Variants in KMT2C observed in about 807,000 individuals in gnomAD.
KMT2C encodes lysine methyltransferase 2C.
A neutral mutation model predicts 507.9 loss-of-function variants in KMT2C; 88 were observed. The observed-to-expected ratio is 0.17, with a 90% confidence interval of 0.15 to 0.21. The LOEUF is 0.21. Ranked by LOEUF, KMT2C falls within the 10% of genes least tolerant of loss-of-function variation. The pLI is 1.00. For missense variants in KMT2C, 4,954 were observed against 5,957.8 expected (o/e 0.83, Z 5.55); for synonymous variants, 2,049 against 2,080.8 (o/e 0.98, Z 0.42).
chr7:152,212,604 A>C (rs2094479346), intron 23 of KMT2C, among the ~76,000 whole-genome samples: 2 of 152,256 alleles, frequency 1.3e-5, no homozygotes, highest in South Asian at 4.1e-4. Context: ...GCATTTCTTT[A>C]TACAAATAAT....
At chr7:152,302,715 CACT>C (rs1445724117) in intron 6 of KMT2C, among the ~76,000 whole-genome samples, 3 of 152,048 alleles carry the variant, frequency 2.0e-5, no homozygotes, top group Non-Finnish European at 4.4e-5. Context: ...AAACTCAGCT[CACT>C]ACAACCTCCA....
chr7:152,155,603 T>C (rs553075186), intron 46 of KMT2C, among the ~76,000 whole-genome samples: 2 of 152,208 alleles, frequency 1.3e-5, no homozygotes, highest in Non-Finnish European at 2.9e-5. Flanking sequence ...TTCTGAAATA[T>C]GTTGCATGGA....
At chr7:152,216,393 T>C (rs2094583680) in intron 23 of KMT2C, among the ~76,000 whole-genome samples, 5 of 152,360 alleles carry the variant, frequency 3.3e-5, no homozygotes, top group East Asian at 1.9e-4. Flanking sequence ...CAAAAAGTCA[T>C]AGGTATTGTT....
At chr7:152,182,626 T>G in intron 35 of KMT2C, 32 bp from the exon 36 acceptor site, 5 of 1,513,768 alleles carry the variant, frequency 3.3e-6, no homozygotes, top group Non-Finnish European at 3.5e-6. Context: ...AGCAATCATA[T>G]TTAGGTTAAG....
intron 6 of KMT2C, 94 bp downstream of exon 6, chr7:152,309,872 A>G (rs1304666222): frequency 5.0e-6 from 4 of 793,912 alleles, no homozygotes; most frequent in South Asian, 1.7e-5. Context: ...GAGCTTTTAC[A>G]CTACAGCAAT....
intron 43 of KMT2C, 82 bp downstream of exon 43, chr7:152,162,035 A>G: frequency 7.1e-7 from 1 of 1,398,632 alleles, no homozygotes; most frequent in East Asian, 2.4e-5. Context: ...ATAATGTGGA[A>G]ATACAGTTGC....
Position 152,149,081 on chromosome 7 carries a change from G to A in KMT2C, c.12846C>T (p.Asn4282=). 1 of 1,516,802 alleles carries A rather than the reference G, an allele frequency of 6.6e-7. No homozygotes were observed. The allele number at this position is 1,516,802 out of a possible 1,614,324, so 94.0% of individuals were successfully genotyped here. The change falls in exon 52 of 59, where the codon AAC becomes AAT. Residue 4282 remains asparagine, a synonymous_variant. Coordinates refer to ENST00000262189, the MANE Select transcript of KMT2C (RefSeq NM_170606.3). The part of the protein sequence containing the change: ...TPSKAFHQYS[N]NISTLDVHCL... ...AGTGCACATCCAAAGTGGAGATGTT[G>A]TTGCTGTACTGATGAAATGCTTTGG...
chr7:152,400,308 C>CA (rs1341515462), intron 1 of KMT2C, among the ~76,000 whole-genome samples: 2 of 150,588 alleles, frequency 1.3e-5, no homozygotes, highest in South Asian at 2.1e-4. Flanking sequence ...GACTCCGTCT[C>CA]AAAAAAATAA....
chr7:152,195,657 G>C (rs544587767), intron 28 of KMT2C: 38 of 573,992 alleles, frequency 6.6e-5, no homozygotes, highest in Non-Finnish European at 7.7e-5. Flanking sequence ...AAAAGATACA[G>C]CAAGACTTTA....
rs187475856 is a variant in KMT2C at position 152,160,108 on chromosome 7, G to A, written c.11461-1036C>T. On this transcript the variant is annotated intron_variant, in intron 43 of 58. Coordinates refer to ENST00000262189, the MANE Select transcript of KMT2C (RefSeq NM_170606.3). Reference sequence around the variant, plus strand: ...TTCAAATAAAACTTTTAAAATTCACGGACAAATTTGAATTTTGTATAATTT... The same window carrying A: ...TTCAAATAAAACTTTTAAAATTCACAGACAAATTTGAATTTTGTATAATTT... Among the ~76,000 whole-genome samples, 26 of 151,984 alleles carry A rather than the reference G, an allele frequency of 1.7e-4. 2 individuals are homozygous for A. The highest frequency in any genetic ancestry group is 3.4e-4 in the African/African-American group (14 of 41,458).
intron 16 of KMT2C, among the ~76,000 whole-genome samples, chr7:152,230,712 A>G (rs909792416): frequency 2.0e-5 from 3 of 152,240 alleles, no homozygotes; most frequent in South Asian, 2.1e-4. Context: ...GATGTCCTGC[A>G]AACATAAAAT....
intron 3 of KMT2C, among the ~76,000 whole-genome samples, chr7:152,327,969 AAAAAAAG>A (rs1563875646): frequency 2.0e-5 from 3 of 151,366 alleles, no homozygotes; most frequent in East Asian, 1.9e-4. Flanking sequence ...AAAAAAAAAA[AAAAAAAG>A]AAAAAAGAAA....
chr7:152,186,532 C>T (rs73728769), intron 33 of KMT2C, among the ~76,000 whole-genome samples: 1,548 of 152,260 alleles, frequency 0.01, 37 homozygotes, highest in African/African-American at 0.035. Flanking sequence ...CCCATGAAGA[C>T]GCCAATCCAA....
At chr7:152,210,385 C>CAG (rs2094427497) in intron 23 of KMT2C, among the ~76,000 whole-genome samples, 1 of 152,124 alleles carries the variant, frequency 6.6e-6, no homozygotes, top group African/African-American at 2.4e-5. Context: ...ATCCAGTCTC[C>CAG]ATCTTTAGTT....
At chr7:152,156,080 C>T in intron 45 of KMT2C, 23 bp from the exon 46 acceptor site, 1 of 1,597,548 alleles carries the variant, frequency 6.3e-7, no homozygotes, top group Non-Finnish European at 8.5e-7. Flanking sequence ...AAACACAAAA[C>T]CATAAATACA....
chr7:152,256,056 C>G (rs2095656438), intron 9 of KMT2C, among the ~76,000 whole-genome samples: 1 of 151,972 alleles, frequency 6.6e-6, no homozygotes, highest in Non-Finnish European at 1.5e-5. Flanking sequence ...GTAATCCCAG[C>G]TACTTGGGGG....
chr7:152,297,055 C>CAGACACAGAGAGAGAG (rs1315629061), intron 6 of KMT2C, among the ~76,000 whole-genome samples: 1 of 84,406 alleles, frequency 1.2e-5, no homozygotes, highest in Non-Finnish European at 2.3e-5. Flanking sequence ...GAAAGAAAGA[C>CAGACACAGAGAGAGAG]AGAGAGAGAG....
In KMT2C at chr7:152,171,266, G is replaced by T; in HGVS notation, c.9451C>A (p.Gln3151Lys). The change falls in exon 40 of 59, where the codon CAG (glutamine) becomes AAG (lysine). Residue 3151 changes from glutamine (Q) to lysine (K), a missense_variant and splice_region_variant. By Grantham distance (53) the Gln-to-Lys change is moderately conservative. Transcript: ENST00000262189. ...GQNLGPQAIP[Q>K]DGSITHQISR... Reference sequence around the variant, plus strand: ...GGACTCATTACAGGCAGTGTTACCTGAGGAATGGCCTGTGGTCCAAGGTTC... The same window carrying T: ...GGACTCATTACAGGCAGTGTTACCTTAGGAATGGCCTGTGGTCCAAGGTTC... 6.2e-7 allele frequency: 1 copy of T among 1,603,340 alleles called. No individual in the cohort carries two copies.
intron 1 of KMT2C, among the ~76,000 whole-genome samples, chr7:152,364,208 G>C (rs1262356832): frequency 6.6e-6 from 1 of 152,178 alleles, no homozygotes; most frequent in Non-Finnish European, 1.5e-5. Context: ...GCTATTATAA[G>C]TATGCCTCAT....
Sources: gnomAD v4.1 joint callset for allele counts (sites outside exome capture counted in the v4.1 genomes callset) on GRCh38, gnomAD v4.1.1 for gene constraint, MANE v1.5 for transcripts, NCBI Gene and HGNC (gene_info 2026-07-23, HGNC 2026-07-21) for gene names.